GSE1: variants seen among roughly 807,000 people sequenced by gnomAD.
GSE1 encodes Gse1 coiled-coil protein.
A neutral mutation model predicts 112.6 loss-of-function variants in GSE1; 32 were observed. The observed-to-expected ratio is 0.28, with a 90% CI of 0.21 to 0.38. The LOEUF (loss-of-function observed/expected upper bound fraction) is 0.38, where lower values mean the gene tolerates loss of function less well. Ranked by LOEUF, GSE1 falls within the 10% of genes least tolerant of loss-of-function variation. The pLI is 1.00. For synonymous variants in GSE1, 1,115 were observed against 735.6 expected (o/e 1.52, Z -8.35); for missense variants, 2,348 against 1,699.2 (o/e 1.38, Z -6.71).
At chr16:85,381,761 G>A (rs2151621972) in intron 2 of GSE1, among the ~76,000 whole-genome samples, 1 of 152,320 alleles carries the variant, frequency 6.6e-6, no homozygotes, top group South Asian at 2.1e-4. Flanking sequence ...GGCCCAGGAG[G>A]CCTCCCTTGT....
intron 1 of GSE1, among the ~76,000 whole-genome samples, chr16:85,178,703 T>TTCTAGACACCAGGACCCAGCAGTG (rs1190344025): frequency 3.9e-5 from 6 of 151,968 alleles, no homozygotes; most frequent in African/African-American, 7.3e-5. Context: ...CCAGGCACTG[T>TTCTAGACACCAGGACCCAGCAGTG]TCTAGACACC....
chr16:85,556,150 G>C (rs987578994), exon 1 of GSE1: 1 of 946,582 alleles, frequency 1.1e-6, no homozygotes, highest in African/African-American at 2.0e-5. Flanking sequence ...GGGCGGGGGG[G>C]GGAAAGACTG....
chr16:85,395,026 G>A (rs2047934809), intron 2 of GSE1, among the ~76,000 whole-genome samples: 1 of 152,116 alleles, frequency 6.6e-6, no homozygotes, highest in South Asian at 2.1e-4. Context: ...GCCTGTAGAG[G>A]GAAGCACCTG....
intron 2 of GSE1, among the ~76,000 whole-genome samples, chr16:85,435,462 CCT>C (rs1426816437): frequency 1.3e-5 from 2 of 152,192 alleles, no homozygotes; most frequent in Admixed American, 1.3e-4. Flanking sequence ...AGCGGAAATT[CCT>C]CTGAGCCTGT....
In GSE1 at chr16:85,632,430, C is replaced by G. The variant is rs559408220; in HGVS notation, c.8-1484C>G. ...AAGAATTATTTTCTCCCTACGTCCC[C>G]TCTATCAGGAGAGGGAGGACTTGGC... On this transcript the variant is annotated intron_variant, in intron 1 of 15. Coordinates refer to ENST00000253458, the MANE Select transcript of GSE1 (RefSeq NM_014615.5). 1.6e-3 allele frequency among the ~76,000 whole-genome samples: 245 copies of G among 152,304 alleles called. 1 individual carries two copies. The highest frequency in any genetic ancestry group is 5.7e-3 in the African/African-American group (235 of 41,560).
At chr16:85,282,312 C>T (rs1404043177) in intron 1 of GSE1, among the ~76,000 whole-genome samples, 1 of 152,218 alleles carries the variant, frequency 6.6e-6, no homozygotes, top group Non-Finnish European at 1.5e-5. Flanking sequence ...AGGCGTGAGC[C>T]ACCGCGCCCG....
chr16:85,204,424 A>C (rs1014615161), intron 1 of GSE1, among the ~76,000 whole-genome samples: 5 of 152,152 alleles, frequency 3.3e-5, no homozygotes, highest in African/African-American at 9.7e-5. Context: ...TGTGAGTACA[A>C]GTTTTTGTGT....
At position 85,213,086 on chromosome 16, in the gene GSE1, T is replaced by C. The variant is rs566953303; in HGVS notation, c.2283+41279T>C. Among the ~76,000 whole-genome samples, 8 of 152,078 alleles carry C rather than the reference T, an allele frequency of 5.3e-5. No homozygotes were observed. In the South Asian group the frequency reaches 1.2e-3, roughly 24 times the overall value. ...GAGATCGAGACCATCCTGGCCAACATGGTGAAACCCCTTCTCTACTAAAAT... is the reference window on the plus strand; with the variant it reads ...GAGATCGAGACCATCCTGGCCAACACGGTGAAACCCCTTCTCTACTAAAAT... On this transcript the variant is annotated intron_variant, in intron 1 of 2. Coordinates refer to the GSE1 transcript ENST00000637419.
intron 1 of GSE1, among the ~76,000 whole-genome samples, chr16:85,272,739 TTTGC>T (rs1338318411): frequency 1.3e-4 from 14 of 108,840 alleles, no homozygotes; most frequent in African/African-American, 4.4e-4. Context: ...TTCTTGCTTG[TTTGC>T]TTGCTTGCTT....
intron 2 of GSE1, among the ~76,000 whole-genome samples, chr16:85,443,346 G>T (rs576211265): frequency 6.6e-6 from 1 of 152,296 alleles, no homozygotes; most frequent in East Asian, 1.9e-4. Context: ...GCAGCGCATG[G>T]CCCAGAGCCT....
At chr16:85,663,318 C>G (rs972286345) in intron 10 of GSE1, 26 bp from the exon 11 acceptor site, 1 of 1,611,932 alleles carries the variant, frequency 6.2e-7, no homozygotes, top group East Asian at 2.2e-5. Context: ...TGGCTTCAAA[C>G]TCATTTGTTT....
intron 2 of GSE1, among the ~76,000 whole-genome samples, chr16:85,464,421 T>C (rs1164275453): frequency 6.6e-6 from 1 of 152,148 alleles, no homozygotes; most frequent in East Asian, 1.9e-4. Context: ...CTCTTCTTAT[T>C]TGGGTGTTTG....
intron 2 of GSE1, among the ~76,000 whole-genome samples, chr16:85,516,518 C>G (rs918646070): frequency 3.6e-5 from 5 of 140,194 alleles, no homozygotes; most frequent in Non-Finnish European, 7.5e-5. Context: ...CCCAGGAGGT[C>G]GAGTTTGCAC....
intron 2 of GSE1, among the ~76,000 whole-genome samples, chr16:85,363,024 A>G (rs947001232): frequency 1.3e-5 from 2 of 151,958 alleles, no homozygotes; most frequent in Non-Finnish European, 2.9e-5. Context: ...TTTAATAGAC[A>G]TGGGGTTTCA....
intron 2 of GSE1, among the ~76,000 whole-genome samples, chr16:85,644,347 A>AC (rs893362414): frequency 1.3e-5 from 2 of 151,424 alleles, no homozygotes; most frequent in African/African-American, 2.4e-5. Flanking sequence ...CTGTCTCAAA[A>AC]AAAAAAAAAA....
intron 1 of GSE1, among the ~76,000 whole-genome samples, chr16:85,614,459 G>C (rs1481024213): frequency 6.6e-6 from 1 of 152,334 alleles, no homozygotes; most frequent in East Asian, 1.9e-4. Flanking sequence ...GACCAGGGGG[G>C]CACTTAGAAA....
intron 1 of GSE1, among the ~76,000 whole-genome samples, chr16:85,303,736 C>G (rs889154006): frequency 6.6e-6 from 1 of 152,264 alleles, no homozygotes; most frequent in Non-Finnish European, 1.5e-5. Flanking sequence ...CTCCCGAGTT[C>G]TGGGGGCACC....
Position 85,236,741 on chromosome 16 carries a change from A to C in GSE1, c.2283+64934A>C, listed in dbSNP as rs571851509. Among the ~76,000 whole-genome samples, 5 of 152,290 alleles carry C rather than the reference A, an allele frequency of 3.3e-5. No individual in the cohort carries two copies. In the East Asian group the frequency reaches 9.7e-4, roughly 29 times the overall value. Reference sequence around the variant, plus strand: ...GAGTCCTGGCCAAAGTTCTCTCTCCAGCCTGGGTAGAGTGCCCCAGAGATT... The same window carrying C: ...GAGTCCTGGCCAAAGTTCTCTCTCCCGCCTGGGTAGAGTGCCCCAGAGATT... On this transcript the variant is annotated intron_variant, in intron 1 of 2. Transcript: ENST00000637419.
At chr16:85,356,793 G>A (rs1191650544) in intron 1 of GSE1, among the ~76,000 whole-genome samples, 2 of 152,176 alleles carry the variant, frequency 1.3e-5, no homozygotes, top group South Asian at 2.1e-4. Context: ...CGCCTGGCCT[G>A]TATCCATTTT....
Sources: gnomAD v4.1 joint callset for allele counts (sites outside exome capture counted in the v4.1 genomes callset) on GRCh38, gnomAD v4.1.1 for gene constraint, MANE v1.5 for transcripts, NCBI Gene and HGNC (gene_info 2026-07-23, HGNC 2026-07-21) for gene names.